The following R3HDM4 variants were observed in gnomAD, a reference collection of about 807,000 sequenced individuals.
R3HDM4 encodes the protein R3H domain containing 4.
A neutral mutation model predicts 31.3 loss-of-function variants in R3HDM4; 30 were observed. The observed-to-expected ratio is 0.96, with a 90% confidence interval of 0.72 to 1.30. R3HDM4 has a LOEUF of 1.30. Among genes scored for constraint, R3HDM4 ranks in the 50% most tolerant of loss-of-function variants. The probability of loss-of-function intolerance (pLI) is 0.00; values close to 1 mark genes in which losing one functional copy is unlikely to be tolerated. For missense variants in R3HDM4, 444 were observed against 366.1 expected, an observed-to-expected ratio of 1.21 and a Z score of -1.74; for synonymous variants, 196 against 156.6, an observed-to-expected ratio of 1.25 and a Z score of -1.88.
chr19:904,482 C>A (rs1568341975), intron 1 of R3HDM4, among the ~76,000 whole-genome samples: 1 of 152,210 alleles, frequency 6.6e-6, no homozygotes, highest in African/African-American at 2.4e-5. Context: ...CACTCCACCC[C>A]TGCAACCCCC....
At chr19:909,359 G>T (rs2036944076) in intron 1 of R3HDM4, among the ~76,000 whole-genome samples, 1 of 152,152 alleles carries the variant, frequency 6.6e-6, no homozygotes, top group African/African-American at 2.4e-5. Context: ...CTCAGCCTGG[G>T]GTGGGGCAGA....
chr19:900,925 C>G lies in R3HDM4; in HGVS notation c.379G>C (p.Gly127Arg), dbSNP rs1167370413. Residue 127 changes from glycine to arginine, a missense_variant, in exon 4 of 8, where the codon GGG becomes CGG. Gly to Arg is a moderately radical substitution (Grantham distance 125). Transcript: ENST00000361574. ...EVWNDFMNRS[G>R]EEQERVLRYL... ...CGAAGAACCCGCTCCTGCTCCTCCC[C>G]GGAGCGGTTCATGAAATCGTTCCAG... 1.2e-6 allele frequency: 2 copies of G among 1,607,550 alleles called. No individual in the cohort carries two copies. The highest frequency in any genetic ancestry group is 2.7e-5 in the African/African-American group (2 of 74,388).
At position 901,463 on chromosome 19, in the gene R3HDM4, C is replaced by A; in HGVS notation, c.310G>T (p.Gly104Cys). 1 of 1,609,500 alleles carries A rather than the reference C, an allele frequency of 6.2e-7. No homozygotes were observed. The highest frequency in any genetic ancestry group is 8.5e-7 in the Non-Finnish European group (1 of 1,179,636). The change falls in exon 3 of 8, where the codon GGC (glycine) becomes TGC (cysteine). Residue 104 changes from glycine (G) to cysteine (C), a missense_variant. Gly to Cys is a radical substitution (Grantham distance 159, BLOSUM62 -3). Transcript: ENST00000361574. ...TTGTTGCAGGCCTCGGCAAAGATGC[C>A]TGGTGATGCAGGGGGTGCCAAGTCC... ...DGDLAPPASP[G>C]IFAEACNNAT... is the part of the protein sequence containing the mutation.
chr19:906,524 G>T (rs1331185979), intron 1 of R3HDM4, among the ~76,000 whole-genome samples: 1 of 151,736 alleles, frequency 6.6e-6, no homozygotes, highest in Non-Finnish European at 1.5e-5. Context: ...GGCTCACCCT[G>T]CAACCTTTAA....
rs989983189 is a variant in R3HDM4 at position 911,848 on chromosome 19, G to C, written c.71+1239C>G. Among the ~76,000 whole-genome samples the C allele has an allele frequency of 7.2e-5, 11 of 151,994 alleles. 1 individual carries two copies. Among genetic ancestry groups the C allele is most frequent in the Non-Finnish European group, 1.5e-5 (1 of 67,974 alleles). On this transcript the variant is annotated intron_variant, in intron 1 of 7. Transcript: ENST00000361574. ...TGCTTGCCAGGTTTTAACCCACAAG[G>C]GTTGTAGGGATTTACCCAAAGGAGA...
At chr19:902,343 C>T (rs549908753) in intron 1 of R3HDM4, 12 of 575,552 alleles carry the variant, frequency 2.1e-5, no homozygotes, top group Non-Finnish European at 3.1e-5. Flanking sequence ...GGTGTGGTGG[C>T]TCATGCCGGT....
intron 1 of R3HDM4, among the ~76,000 whole-genome samples, chr19:912,498 G>A (rs1398811818): frequency 1.1e-5 from 1 of 89,224 alleles, no homozygotes; most frequent in Non-Finnish European, 2.2e-5. Context: ...AGGAATGGGG[G>A]CAAGAACCAG....
chr19:899,805 G>C lies in R3HDM4; in HGVS notation c.562-119C>G. 2 of 853,762 alleles carry C rather than the reference G, an allele frequency of 2.3e-6. No homozygotes were observed. Among genetic ancestry groups the C allele is most frequent in the Non-Finnish European group, 3.6e-6 (2 of 560,370 alleles). 52.9% of individuals were successfully genotyped at this position (853,762 alleles called of 1,614,324 possible). On this transcript the variant is annotated intron_variant, in intron 5 of 7. Transcript: ENST00000361574. This position sits in a 1 kb window ranked among gnomAD's most constrained non-coding sequence, Gnocchi z 6.8. ...TCAAACATGACCTCTGACCCACCAC[G>C]TGAGGCTGCTTAAGTGTCTCTGAGG...
chr19:899,969 A>T lies in R3HDM4; in HGVS notation c.561+92T>A, dbSNP rs1353127174. The T allele has an allele frequency of 7.6e-7, 1 of 1,314,948 alleles. No homozygotes were observed. The highest frequency in any genetic ancestry group is 1.8e-5 in the Admixed American group (1 of 57,136). 81.5% of individuals were successfully genotyped at this position (1,314,948 alleles called of 1,614,324 possible). ...ATCCTGCCCTGTTTCCCCTGACACG[A>T]CCTGCACCGGGTGAGAACCTGTGCC... On this transcript the variant is annotated intron_variant, in intron 5 of 7. Transcript: ENST00000361574. This position sits in a 1 kb window ranked among gnomAD's most constrained non-coding sequence, Gnocchi z 6.8.
intron 2 of R3HDM4, 197 bp from the exon 3 acceptor site, chr19:901,743 A>T: frequency 1.1e-6 from 1 of 879,276 alleles, no homozygotes; most frequent in Middle Eastern, 3.4e-4. Context: ...ATATCCTTTA[A>T]AGCCCCAGCT....
At position 897,427 on chromosome 19, in the gene R3HDM4, G is replaced by T; in HGVS notation, c.*10C>A. On this transcript the variant is annotated 3_prime_UTR_variant, in exon 8 of 8. Transcript: ENST00000361574. ...GGCGAGGTGGCAGCGGGGTCTCCGC[G>T]GGGCCGCCATCAGCTGTGCTGCTCC... The T allele has an allele frequency of 6.3e-7, 1 of 1,587,982 alleles. No individual in the cohort carries two copies. Among genetic ancestry groups the T allele is most frequent in the South Asian group, 1.1e-5 (1 of 88,518 alleles).
chr19:910,942 A>C (rs2036963820), intron 1 of R3HDM4, among the ~76,000 whole-genome samples: 1 of 150,640 alleles, frequency 6.6e-6, no homozygotes, highest in Admixed American at 6.7e-5. Context: ...ACACGGCAAA[A>C]CCCCCGTCTC....
At chr19:898,373 C>G (rs112109465) in intron 7 of R3HDM4, among the ~76,000 whole-genome samples, 16,027 of 141,064 alleles carry the variant, frequency 0.11, 1,244 homozygotes, top group Middle Eastern at 0.2. Flanking sequence ...CCACTGCACT[C>G]CAGCATGGGT....
intron 7 of R3HDM4, among the ~76,000 whole-genome samples, chr19:898,404 CAAAAAAAA>C (rs67161788): frequency 1.0e-5 from 1 of 97,576 alleles, no homozygotes; most frequent in Non-Finnish European, 1.9e-5. Flanking sequence ...GACTTGGTCT[CAAAAAAAA>C]AAAAAAAAAA....
At chr19:901,102 C>T in intron 3 of R3HDM4, 150 bp from the exon 4 acceptor site, 1 of 1,084,844 alleles carries the variant, frequency 9.2e-7, no homozygotes. Flanking sequence ...TGTGTCGGGC[C>T]CTGAGCTGAG....
chr19:902,987 C>T (rs1284844139), intron 1 of R3HDM4, among the ~76,000 whole-genome samples: 4 of 152,106 alleles, frequency 2.6e-5, no homozygotes, highest in South Asian at 2.1e-4. Context: ...AACCGAGGCT[C>T]AGAGAAGTGA....
In R3HDM4 at chr19:907,469, A is replaced by G. The variant is rs1335791600; in HGVS notation, c.72-5339T>C. Among the ~76,000 whole-genome samples, 2 of 152,086 alleles carry G rather than the reference A, an allele frequency of 1.3e-5. No individual in the cohort carries two copies. Among genetic ancestry groups the G allele is most frequent in the Non-Finnish European group, 2.9e-5 (2 of 67,972 alleles). ...GTCAGAGGGGGCGGGGCTCGGTGAC[A>G]CAGCTCAAGCCCTCCCAGCAAGGGG... On this transcript the variant is annotated intron_variant, in intron 1 of 7. Transcript: ENST00000361574. This position sits in a 1 kb window ranked among gnomAD's most constrained non-coding sequence, Gnocchi z 4.1.
chr19:906,731 G>T (rs1476922354), intron 1 of R3HDM4, among the ~76,000 whole-genome samples: 3 of 152,100 alleles, frequency 2.0e-5, no homozygotes, highest in Admixed American at 2.0e-4. Context: ...CCCACATTGG[G>T]CTCATTTCCT....
intron 1 of R3HDM4, among the ~76,000 whole-genome samples, chr19:912,487 C>CGGAGAGTG (rs2036989022): frequency 1.2e-5 from 1 of 81,934 alleles, no homozygotes; most frequent in African/African-American, 5.4e-5. Flanking sequence ...GGGGCGGACC[C>CGGAGAGTG]AGGAATGGGG....
Sources: allele counts gnomAD v4.1 joint callset (sites outside exome capture counted in the v4.1 genomes callset), GRCh38; gene constraint gnomAD v4.1.1; non-coding constraint Gnocchi (gnomAD v3.1); transcripts MANE v1.5; gene names NCBI Gene and HGNC (gene_info 2026-07-23, HGNC 2026-07-21).